The following GLRA2 variants were observed in gnomAD, a reference collection of about 807,000 sequenced individuals.
GLRA2 encodes glycine receptor subunit alpha-2.
In GLRA2, 11 loss-of-function variants were observed where a neutral mutation model predicts 31.6. The observed-to-expected ratio is 0.35, with a 90% CI of 0.22 to 0.58. The LOEUF (loss-of-function observed/expected upper bound fraction) is 0.58. Among genes scored for constraint, GLRA2 ranks in the 20% least tolerant of loss-of-function variants. The pLI is 0.84. For synonymous variants in GLRA2, 132 were observed against 134.0 expected, an observed-to-expected ratio of 0.99 and a Z score of 0.10; for missense variants, 212 against 351.8, an observed-to-expected ratio of 0.60 and a Z score of 3.18.
the GLRA2 span, among the ~76,000 whole-genome samples, chrX:14,493,606 C>CATATATACATATATACAT: frequency 0.028 from 2,728 of 98,851 alleles, 189 homozygotes; most frequent in African/African-American, 0.1. Flanking sequence ...CATATATACA[C>CATATATACATATATACAT]ATATACACAT....
At chrX:14,702,197 G>A (rs758116897) in intron 8 of GLRA2, among the ~76,000 whole-genome samples, 32 of 111,842 alleles carry the variant, frequency 2.9e-4, no homozygotes, top group Non-Finnish European at 2.3e-4. Flanking sequence ...AAAGCATGGG[G>A]CCTAAAAGGA....
At chrX:14,677,531 G>A (rs950587661) in intron 7 of GLRA2, among the ~76,000 whole-genome samples, 3 of 112,075 alleles carry the variant, frequency 2.7e-5, no homozygotes, top group African/African-American at 9.7e-5. Context: ...ATCACCTTGG[G>A]GATGGAATTT....
chrX:14,725,191 T>C (rs1332398604), intron 8 of GLRA2, among the ~76,000 whole-genome samples: 5 of 111,955 alleles, frequency 4.5e-5, no homozygotes, highest in Non-Finnish European at 9.4e-5. Flanking sequence ...TGGTACAGAC[T>C]CTTAATAAAT....
intron 7 of GLRA2, among the ~76,000 whole-genome samples, chrX:14,651,511 A>G (rs889190364): frequency 1.8e-5 from 2 of 111,368 alleles, no homozygotes; most frequent in African/African-American, 6.5e-5. Flanking sequence ...TGTGTTTTCT[A>G]TGTTTAGGTA....
At chrX:14,544,876 T>A (rs913679819) in intron 2 of GLRA2, among the ~76,000 whole-genome samples, 1 of 111,603 alleles carries the variant, frequency 9.0e-6, no homozygotes, top group Non-Finnish European at 1.9e-5. Flanking sequence ...TAAGCAAGCA[T>A]GATTTTTTTT....
intron 2 of GLRA2, among the ~76,000 whole-genome samples, chrX:14,543,289 T>A (rs73452637): frequency 3.7e-4 from 39 of 105,333 alleles, no homozygotes; most frequent in African/African-American, 1.3e-3. Flanking sequence ...TCTCTCTACT[T>A]CACTTCTAAC....
the GLRA2 span, among the ~76,000 whole-genome samples, chrX:14,513,771 G>A: frequency 9.0e-6 from 1 of 111,630 alleles, no homozygotes; most frequent in African/African-American, 3.2e-5. Context: ...AATAATAGAT[G>A]TTGGCATGGA....
intron 7 of GLRA2, among the ~76,000 whole-genome samples, chrX:14,624,148 T>C (rs2090558580): frequency 8.9e-6 from 1 of 112,079 alleles, no homozygotes; most frequent in South Asian, 3.7e-4. Flanking sequence ...GAGGTGTTTA[T>C]AGTATTCTCT....
chrX:14,710,892 T>C (rs2091701706), intron 8 of GLRA2, among the ~76,000 whole-genome samples: 1 of 112,383 alleles, frequency 8.9e-6, no homozygotes, highest in African/African-American at 3.2e-5. Context: ...CCATTCAACA[T>C]TTCCAACAAA....
chrX:14,565,785 A>G (rs747908840), intron 2 of GLRA2, among the ~76,000 whole-genome samples: 1 of 111,859 alleles, frequency 8.9e-6, no homozygotes, highest in African/African-American at 3.2e-5. Flanking sequence ...GGTGAATGAA[A>G]ACAAAAACAC....
At chrX:14,641,209 T>C (rs2090768307) in intron 7 of GLRA2, among the ~76,000 whole-genome samples, 1 of 111,655 alleles carries the variant, frequency 9.0e-6, no homozygotes, top group African/African-American at 3.3e-5. Flanking sequence ...TTTTTGCTCA[T>C]TATTTTCTTA....
At chrX:14,681,022 C>A (rs1455505938) in intron 7 of GLRA2, among the ~76,000 whole-genome samples, 1 of 111,927 alleles carries the variant, frequency 8.9e-6, no homozygotes, top group East Asian at 2.8e-4. Flanking sequence ...ACTGGAAATG[C>A]TGTGATTGGT....
the GLRA2 span, among the ~76,000 whole-genome samples, chrX:14,524,125 T>C: frequency 8.9e-6 from 1 of 112,110 alleles, no homozygotes; most frequent in Non-Finnish European, 1.9e-5. Context: ...TTGTAAAAAA[T>C]GCAATATCTG....
At chrX:14,566,936 G>T (rs886708188) in intron 2 of GLRA2, among the ~76,000 whole-genome samples, 1 of 111,300 alleles carries the variant, frequency 9.0e-6, no homozygotes, top group Non-Finnish European at 1.9e-5. Flanking sequence ...CTACATGTGT[G>T]CAGTCTCTGG....
At chrX:14,615,485 T>C (rs935172541) in intron 7 of GLRA2, among the ~76,000 whole-genome samples, 1 of 111,026 alleles carries the variant, frequency 9.0e-6, no homozygotes. Flanking sequence ...AAAAGATATA[T>C]GAAGTAAGAT....
intron 4 of GLRA2, among the ~76,000 whole-genome samples, chrX:14,602,396 GATA>G (rs2090286492): frequency 9.3e-6 from 1 of 108,091 alleles, no homozygotes. Flanking sequence ...TGTTTTGTAA[GATA>G]ATGAGTAGTT....
chrX:14,642,608 T>A (rs1049044115), intron 7 of GLRA2, among the ~76,000 whole-genome samples: 1 of 111,374 alleles, frequency 9.0e-6, no homozygotes, highest in African/African-American at 3.3e-5. Context: ...TTTTTTTTTT[T>A]ACAATACATC....
chrX:14,515,259 G>A, the GLRA2 span, among the ~76,000 whole-genome samples: 1 of 111,556 alleles, frequency 9.0e-6, no homozygotes, highest in African/African-American at 3.3e-5. Flanking sequence ...CTGTCACCTA[G>A]TAATTTTAAA....
At chrX:14,657,576 G>C (rs781773567) in intron 7 of GLRA2, among the ~76,000 whole-genome samples, 1 of 112,481 alleles carries the variant, frequency 8.9e-6, no homozygotes, top group Non-Finnish European at 1.9e-5. Flanking sequence ...TTGAGTCTCT[G>C]GTTCCAGCCA....
Sources: gnomAD v4.1 joint callset for allele counts (sites outside exome capture counted in the v4.1 genomes callset) on GRCh38, gnomAD v4.1.1 for gene constraint, MANE v1.5 for transcripts, NCBI Gene and HGNC (gene_info 2026-07-23, HGNC 2026-07-21) for gene names.